PARD3: variants seen among roughly 807,000 people sequenced by gnomAD.
PARD3 encodes par-3 family cell polarity regulator, also known as partitioning defective 3 homolog.
PARD3 carries 75 observed loss-of-function variants against 155.4 expected under a neutral mutation model. The observed-to-expected ratio is 0.48, with a 90% CI of 0.40 to 0.58. PARD3 has a LOEUF of 0.58. PARD3 is among the 20% of genes least tolerant of loss of function. The probability of loss-of-function intolerance (pLI) is 0.00; values close to 1 mark genes in which losing one functional copy is unlikely to be tolerated. For synonymous variants in PARD3, 576 were observed against 610.5 expected, an observed-to-expected ratio of 0.94 and a Z score of 0.83; for missense variants, 1,642 against 1,721.7, an observed-to-expected ratio of 0.95 and a Z score of 0.82.
chr10:34,253,689 C>G (rs987157944), intron 22 of PARD3, among the ~76,000 whole-genome samples: 1 of 60,748 alleles, frequency 1.6e-5, no homozygotes, highest in Non-Finnish European at 6.1e-5. Context: ...AAGAATCAGA[C>G]GACCACTCAG....
At chr10:34,186,373 A>G (rs1004486188) in intron 22 of PARD3, among the ~76,000 whole-genome samples, 7 of 151,322 alleles carry the variant, frequency 4.6e-5, no homozygotes, top group African/African-American at 9.7e-5. Flanking sequence ...AAAAAAAAAA[A>G]AAAGAAACCC....
chr10:34,240,556 T>G (rs1344944231), intron 22 of PARD3, among the ~76,000 whole-genome samples: 2 of 152,236 alleles, frequency 1.3e-5, no homozygotes, highest in African/African-American at 4.8e-5. Flanking sequence ...AAATTCTGAA[T>G]AGCAAAATCT....
At position 34,119,676 on chromosome 10, in the gene PARD3, C is replaced by T. The variant is rs61735569; in HGVS notation, c.3605G>A (p.Arg1202Gln). 120 of 1,612,540 alleles carry T rather than the reference C, an allele frequency of 7.4e-5. 1 individual carries two copies. The highest frequency in any genetic ancestry group is 5.0e-5 in the Admixed American group (3 of 59,932). ...HSVSVEVQMQ[R>Q]QRQEERESSQ... is the part of the protein sequence containing the mutation. ...GCTCTCGCGCTCCTCCTGCCGCTGC[C>T]GCTGCATCTGCACCTCCACGGACAC... is the stretch of plus-strand genomic sequence containing the variant. The change falls in exon 24 of 25, where the codon CGG becomes CAG. Residue 1202 changes from arginine (R) to glutamine (Q), a missense_variant. Physicochemically the swap from Arg to Gln is conservative, Grantham distance 43. Coordinates refer to ENST00000374788, the MANE Select transcript of PARD3 (RefSeq NM_001184785.2).
At position 34,806,197 on chromosome 10, in the gene PARD3, AT is replaced by A. The variant is rs34269930; in HGVS notation, c.120+8678del. ...AGATGCACACAACCATGTCTGGCTA[AT>A]TTTTTTTTTTTTTTTTTGAGATGAA... On this transcript the variant is annotated intron_variant, in intron 1 of 24. Coordinates refer to ENST00000374788, the MANE Select transcript of PARD3 (RefSeq NM_001184785.2). 4.9e-3 allele frequency among the ~76,000 whole-genome samples: 640 copies of A among 130,346 alleles called. 5 individuals carry two copies. Among genetic ancestry groups the A allele is most frequent in the African/African-American group, 0.013 (476 of 35,376 alleles). The allele number at this position is 130,346 out of a possible 152,430, so 85.5% of individuals were successfully genotyped here.
chr10:34,608,782 C>T (rs1350964193), intron 2 of PARD3, among the ~76,000 whole-genome samples: 2 of 152,140 alleles, frequency 1.3e-5, no homozygotes, highest in African/African-American at 4.8e-5. Context: ...GATCCACCCG[C>T]CTTGGCCTCC....
intron 3 of PARD3, among the ~76,000 whole-genome samples, chr10:34,506,418 A>T (rs1008296547): frequency 2.0e-5 from 3 of 152,168 alleles, no homozygotes; most frequent in African/African-American, 7.2e-5. Flanking sequence ...GTTGCACCCA[A>T]CACATTTATG....
chr10:34,523,108 C>G (rs996683119), intron 2 of PARD3, among the ~76,000 whole-genome samples: 2 of 152,196 alleles, frequency 1.3e-5, no homozygotes. Context: ...AAGATCATCA[C>G]AGACAATTCA....
chr10:34,557,349 A>C (rs577143814), intron 2 of PARD3, among the ~76,000 whole-genome samples: 13 of 152,252 alleles, frequency 8.5e-5, no homozygotes, highest in African/African-American at 3.1e-4. Context: ...AAACAGAATA[A>C]CTAGAAAATA....
chr10:34,354,832 A>C (rs117068937), intron 14 of PARD3, among the ~76,000 whole-genome samples: 1 of 152,160 alleles, frequency 6.6e-6, no homozygotes, highest in Admixed American at 6.5e-5. Context: ...TCCTGGAGAC[A>C]TGGAAAGCCT....
chr10:34,208,743 G>A (rs902471700), intron 22 of PARD3, among the ~76,000 whole-genome samples: 1 of 152,148 alleles, frequency 6.6e-6, no homozygotes, highest in Non-Finnish European at 1.5e-5. Context: ...TCAAGGAGCC[G>A]AGGGCCATCA....
chr10:34,661,112 A>C (rs2093315364), intron 2 of PARD3, among the ~76,000 whole-genome samples: 2 of 152,208 alleles, frequency 1.3e-5, no homozygotes, highest in Non-Finnish European at 2.9e-5. Flanking sequence ...AGATAGTTTG[A>C]GGATTCTGTG....
chr10:34,771,458 A>G (rs963215206), intron 1 of PARD3, among the ~76,000 whole-genome samples: 3 of 152,024 alleles, frequency 2.0e-5, no homozygotes, highest in African/African-American at 7.3e-5. Flanking sequence ...GGCTACAGTT[A>G]TTATCACCAT....
At chr10:34,482,186 C>T (rs1426659767) in intron 3 of PARD3, among the ~76,000 whole-genome samples, 1 of 151,744 alleles carries the variant, frequency 6.6e-6, no homozygotes, top group East Asian at 1.9e-4. Context: ...AGGTGCCCCC[C>T]ACCATGCCCA....
chr10:34,609,418 A>G (rs1429452291), intron 2 of PARD3, among the ~76,000 whole-genome samples: 1 of 152,186 alleles, frequency 6.6e-6, no homozygotes, highest in South Asian at 2.1e-4. Flanking sequence ...AACACCACCA[A>G]TCTCAATACT....
At chr10:34,537,493 T>C (rs1564821503) in intron 2 of PARD3, among the ~76,000 whole-genome samples, 1 of 152,110 alleles carries the variant, frequency 6.6e-6, no homozygotes, top group Non-Finnish European at 1.5e-5. Flanking sequence ...AAGGAGACAA[T>C]GGGTGTTCAC....
chr10:34,269,024 C>T (rs1955482161), intron 22 of PARD3, among the ~76,000 whole-genome samples: 1 of 152,152 alleles, frequency 6.6e-6, no homozygotes, highest in Non-Finnish European at 1.5e-5. Flanking sequence ...GATCATTACA[C>T]ATTCTATGCA....
intron 1 of PARD3, among the ~76,000 whole-genome samples, chr10:34,734,157 A>G (rs1241275429): frequency 6.6e-6 from 1 of 152,030 alleles, no homozygotes; most frequent in Non-Finnish European, 1.5e-5. Context: ...AATCCTTTAA[A>G]AAACTTTTAC....
chr10:34,514,186 G>A, intron 3 of PARD3, among the ~76,000 whole-genome samples: 1 of 152,110 alleles, frequency 6.6e-6, no homozygotes, highest in Admixed American at 6.5e-5. Context: ...ATGGAATAAA[G>A]GGGATGAGTG....
intron 2 of PARD3, among the ~76,000 whole-genome samples, chr10:34,538,348 TG>T (rs1353629794): frequency 6.6e-6 from 1 of 152,252 alleles, no homozygotes; most frequent in Non-Finnish European, 1.5e-5. Context: ...CAACTGCCTC[TG>T]TCCCTAATGC....
Sources: gnomAD v4.1 joint callset for allele counts (sites outside exome capture counted in the v4.1 genomes callset) on GRCh38, gnomAD v4.1.1 for gene constraint, MANE v1.5 for transcripts, NCBI Gene and HGNC (gene_info 2026-07-23, HGNC 2026-07-21) for gene names.